Variants in PFDN1 observed in about 807,000 individuals in gnomAD.
PFDN1 encodes prefoldin 1.
In PFDN1, 6 loss-of-function variants were observed where a neutral mutation model predicts 17.3. The ratio of observed to expected loss-of-function variants is 0.35; its 90% CI spans 0.19 to 0.69. The LOEUF is 0.69. Among genes scored for constraint, PFDN1 ranks in the 30% least tolerant of loss-of-function variants. The probability of loss-of-function intolerance (pLI) is 0.65; values close to 1 mark genes in which losing one functional copy is unlikely to be tolerated. For missense variants in PFDN1, 113 were observed against 146.2 expected (o/e 0.77, Z 1.17); for synonymous variants, 58 against 50.1 (o/e 1.16, Z -0.67).
intron 3 of PFDN1, among the ~76,000 whole-genome samples, chr5:140,251,072 A>T (rs1291431765): frequency 1.3e-5 from 2 of 151,922 alleles, no homozygotes; most frequent in Non-Finnish European, 2.9e-5. Flanking sequence ...GTAGCTGAGG[A>T]TTACAGGTGA....
chr5:140,259,073 A>T (rs1186182632), intron 3 of PFDN1, among the ~76,000 whole-genome samples: 1 of 152,228 alleles, frequency 6.6e-6, no homozygotes, highest in Non-Finnish European at 1.5e-5. Context: ...AGAAACCAAA[A>T]GGAGAGTAGT....
intron 2 of PFDN1, among the ~76,000 whole-genome samples, chr5:140,283,662 C>G (rs752645997): frequency 1.3e-5 from 2 of 152,128 alleles, no homozygotes. Flanking sequence ...ACTATAGAAC[C>G]CTTCATGTCT....
chr5:140,246,116 C>T (rs1764826381), intron 3 of PFDN1, 59 bp from the exon 4 acceptor site: 4 of 1,033,480 alleles, frequency 3.9e-6, no homozygotes, highest in Non-Finnish European at 4.5e-6. Context: ...GGCTGGAAGA[C>T]ACAGCTTTGA....
At chr5:140,302,761 A>G (rs1287717498) in intron 1 of PFDN1, among the ~76,000 whole-genome samples, 3 of 152,020 alleles carry the variant, frequency 2.0e-5, no homozygotes. Flanking sequence ...AAGCCTCCAA[A>G]CGCAACGAAA....
chr5:140,299,813 A>G (rs1391451277), intron 2 of PFDN1, among the ~76,000 whole-genome samples: 2 of 151,794 alleles, frequency 1.3e-5, no homozygotes, highest in African/African-American at 4.8e-5. Flanking sequence ...GGAGTTCCAG[A>G]CCATCCTGGC....
intron 3 of PFDN1, among the ~76,000 whole-genome samples, chr5:140,256,985 T>C (rs13177454): frequency 0.49 from 74,066 of 151,694 alleles, 18,293 homozygotes; most frequent in South Asian, 0.7. Context: ...TTCGGGAGGT[T>C]GAGGCAGGTG....
intron 3 of PFDN1, among the ~76,000 whole-genome samples, chr5:140,271,445 G>C (rs1460647534): frequency 2.6e-5 from 4 of 152,072 alleles, no homozygotes; most frequent in Non-Finnish European, 2.9e-5. Flanking sequence ...AAACAACGTA[G>C]GAAAGAGATT....
chr5:140,246,737 A>G (rs1764836295), intron 3 of PFDN1, among the ~76,000 whole-genome samples: 1 of 152,228 alleles, frequency 6.6e-6, no homozygotes, highest in Non-Finnish European at 1.5e-5. Context: ...TTCAGGAGCC[A>G]AGATTTCAAA....
intron 2 of PFDN1, among the ~76,000 whole-genome samples, chr5:140,292,062 A>G (rs1280530695): frequency 6.6e-6 from 1 of 152,180 alleles, no homozygotes; most frequent in Non-Finnish European, 1.5e-5. Context: ...AAGCAGTAGT[A>G]TGTTAATCTA....
At position 140,280,480 on chromosome 5, in the gene PFDN1, G is replaced by A. The variant is rs143190255; in HGVS notation, c.285+969C>T. On this transcript the variant is annotated intron_variant, in intron 3 of 3. Transcript: ENST00000261813. ...TTTTTACAATACACTTTTCTAAGCT[G>A]CAAATCTATTATCAAGTTTGTTTCA... Among the ~76,000 whole-genome samples, 245 of 152,170 alleles carry A rather than the reference G, an allele frequency of 1.6e-3. 3 individuals are homozygous for A. Among genetic ancestry groups the A allele is most frequent in the African/African-American group, 5.3e-3 (220 of 41,504 alleles).
At chr5:140,279,930 G>A (rs1469792431) in intron 3 of PFDN1, among the ~76,000 whole-genome samples, 1 of 141,910 alleles carries the variant, frequency 7.0e-6, no homozygotes, top group Non-Finnish European at 1.5e-5. Flanking sequence ...AGGAGGCGGA[G>A]GTAGCAGTGA....
intron 3 of PFDN1, among the ~76,000 whole-genome samples, chr5:140,259,961 G>T (rs1020233222): frequency 2.6e-5 from 4 of 152,158 alleles, no homozygotes; most frequent in Non-Finnish European, 5.9e-5. Flanking sequence ...AAAAGCACAT[G>T]AAAAGCTGTT....
At chr5:140,256,706 T>A (rs922183982) in intron 3 of PFDN1, among the ~76,000 whole-genome samples, 11 of 129,118 alleles carry the variant, frequency 8.5e-5, no homozygotes, top group Admixed American at 2.4e-4. Context: ...AGAATGACCC[T>A]ACATGGCACA....
intron 3 of PFDN1, among the ~76,000 whole-genome samples, chr5:140,259,141 A>G (rs1765028734): frequency 6.6e-6 from 1 of 152,202 alleles, no homozygotes; most frequent in South Asian, 2.1e-4. Flanking sequence ...AGGAAGAGTG[A>G]CAACACGTCA....
At chr5:140,251,911 T>C (rs1764919033) in intron 3 of PFDN1, among the ~76,000 whole-genome samples, 1 of 152,214 alleles carries the variant, frequency 6.6e-6, no homozygotes, top group African/African-American at 2.4e-5. Flanking sequence ...CCTGAGGTAA[T>C]ACATCTTGTG....
chr5:140,290,831 TTAA>T (rs1198766266), intron 2 of PFDN1, among the ~76,000 whole-genome samples: 3 of 152,162 alleles, frequency 2.0e-5, no homozygotes, highest in African/African-American at 7.2e-5. Flanking sequence ...TGCTGATTCT[TTAA>T]GAAAGACATC....
At chr5:140,269,044 G>A (rs915851402) in intron 3 of PFDN1, among the ~76,000 whole-genome samples, 10 of 151,664 alleles carry the variant, frequency 6.6e-5, no homozygotes, top group Admixed American at 5.9e-4. Flanking sequence ...TGGGGGGCTC[G>A]CTCTGTCACC....
intron 3 of PFDN1, among the ~76,000 whole-genome samples, chr5:140,279,995 C>CAAAAAAAAAAAAAAAAAAAAAAAAA (rs772575762): frequency 8.6e-4 from 27 of 31,238 alleles, no homozygotes; most frequent in African/African-American, 1.6e-3. Flanking sequence ...AACTCCGTCT[C>CAAAAAAAAAAAAAAAAAAAAAAAAA]AAAAAAAAAA....
intron 3 of PFDN1, among the ~76,000 whole-genome samples, chr5:140,255,234 G>A (rs573071068): frequency 3.6e-4 from 54 of 151,872 alleles, no homozygotes; most frequent in African/African-American, 1.2e-3. Flanking sequence ...TCTACTAATC[G>A]ACCTACACCT....
Sources: allele counts gnomAD v4.1 joint callset (sites outside exome capture counted in the v4.1 genomes callset), GRCh38; gene constraint gnomAD v4.1.1; transcripts MANE v1.5; gene names NCBI Gene and HGNC (gene_info 2026-07-23, HGNC 2026-07-21).